RAB27A: variants seen among roughly 807,000 people sequenced by gnomAD.
RAB27A encodes the protein RAB27A, member RAS oncogene family, also known as ras-related protein Rab-27A.
In RAB27A, 17 loss-of-function variants were observed where a neutral mutation model predicts 20.8. That is an observed-to-expected ratio of 0.82 (90% CI 0.56 to 1.23). The LOEUF (loss-of-function observed/expected upper bound fraction) is 1.23, where lower values mean the gene tolerates loss of function less well. Ranked by LOEUF, RAB27A falls within the 50% of genes most tolerant of loss-of-function variation. RAB27A has a pLI of 0.00. For synonymous variants in RAB27A, 85 were observed against 92.8 expected (o/e 0.92, Z 0.48); for missense variants, 277 against 266.7 (o/e 1.04, Z -0.27).
intron 6 of RAB27A, among the ~76,000 whole-genome samples, chr15:55,208,123 C>T (rs1894741499): frequency 6.6e-6 from 1 of 152,062 alleles, no homozygotes; most frequent in South Asian, 2.1e-4. Flanking sequence ...ACCTAAACGT[C>T]CATCAATAAG....
At chr15:55,305,200 G>C (rs963911782) in intron 2 of RAB27A, among the ~76,000 whole-genome samples, 6 of 152,164 alleles carry the variant, frequency 3.9e-5, no homozygotes, top group African/African-American at 1.4e-4. Flanking sequence ...AGCTAGCCCT[G>C]TCTCTCAGTC....
intron 2 of RAB27A, among the ~76,000 whole-genome samples, chr15:55,258,030 G>A (rs1178018108): frequency 7.1e-6 from 1 of 141,278 alleles, no homozygotes; most frequent in African/African-American, 2.7e-5. Flanking sequence ...TCGCACCACT[G>A]CACTCCAGCC....
At chr15:55,220,891 T>G (rs928463698) in intron 6 of RAB27A, among the ~76,000 whole-genome samples, 28 of 152,254 alleles carry the variant, frequency 1.8e-4, no homozygotes, top group African/African-American at 6.5e-4. Flanking sequence ...CTACATGGTA[T>G]GCTTTCTGTA....
At chr15:55,257,120 A>G (rs1001402638) in intron 2 of RAB27A, among the ~76,000 whole-genome samples, 1 of 152,256 alleles carries the variant, frequency 6.6e-6, no homozygotes, top group Non-Finnish European at 1.5e-5. Context: ...AATGTTGCCA[A>G]CAGAAGCAGG....
chr15:55,293,397 G>A (rs1008469580), upstream of RAB27A, among the ~76,000 whole-genome samples: 2 of 150,932 alleles, frequency 1.3e-5, no homozygotes, highest in Non-Finnish European at 2.9e-5. Flanking sequence ...ATCTATTAGT[G>A]CTAATAAATG....
At chr15:55,313,740 G>C (rs2055030744) in intron 2 of RAB27A, among the ~76,000 whole-genome samples, 1 of 152,086 alleles carries the variant, frequency 6.6e-6, no homozygotes, top group Non-Finnish European at 1.5e-5. Context: ...TCGGGAAGCC[G>C]AGGCGGGCGG....
At chr15:55,216,566 C>T (rs1244256031) in intron 6 of RAB27A, among the ~76,000 whole-genome samples, 1 of 151,798 alleles carries the variant, frequency 6.6e-6, no homozygotes, top group Non-Finnish European at 1.5e-5. Flanking sequence ...ATACATCATC[C>T]CAAAAAAGCA....
chr15:55,255,940 G>A (rs1415199485), intron 2 of RAB27A, among the ~76,000 whole-genome samples: 1 of 152,178 alleles, frequency 6.6e-6, no homozygotes, highest in African/African-American at 2.4e-5. Flanking sequence ...CTAGCTATGT[G>A]TCCTGTGGTG....
chr15:55,277,342 G>A (rs984323560), intron 1 of RAB27A, among the ~76,000 whole-genome samples: 1 of 152,202 alleles, frequency 6.6e-6, no homozygotes, highest in Admixed American at 6.5e-5. Context: ...CAACGTCCAC[G>A]TATAACTTTG....
Position 55,314,194 on chromosome 15 carries a change from G to T in RAB27A, c.-233-34C>A, listed in dbSNP as rs1290753642. ...AAAAAAAAAAAAAATTACCTATGCT[G>T]GTCTCCACCTAACATAGCTGAGATT... On this transcript the variant is annotated intron_variant, in intron 1 of 5. Coordinates refer to the RAB27A transcript ENST00000563262. The T allele has an allele frequency of 1.3e-5, 2 of 149,932 alleles. 1 individual carries two copies. The highest frequency in any genetic ancestry group is 4.9e-5 in the African/African-American group (2 of 40,904). 9.3% of individuals were successfully genotyped at this position (149,932 alleles called of 1,614,324 possible). A position where few individuals can be genotyped will look rare whatever the true frequency, so the allele number is the denominator to read the frequency against.
At chr15:55,263,400 A>G (rs921809866) in intron 2 of RAB27A, among the ~76,000 whole-genome samples, 3 of 152,150 alleles carry the variant, frequency 2.0e-5, no homozygotes, top group African/African-American at 4.8e-5. Context: ...GTTACTTGAG[A>G]TGCAGTCACT....
At chr15:55,282,912 CAATA>C (rs1266983060) in intron 1 of RAB27A, among the ~76,000 whole-genome samples, 9 of 120,310 alleles carry the variant, frequency 7.5e-5, no homozygotes, top group African/African-American at 3.8e-4. Flanking sequence ...CGTGTGGAGA[CAATA>C]AATAAATAAA....
chr15:55,280,219 G>GTT (rs932897542), intron 1 of RAB27A, among the ~76,000 whole-genome samples: 1 of 152,090 alleles, frequency 6.6e-6, no homozygotes, highest in African/African-American at 2.4e-5. Context: ...TTACTATGTT[G>GTT]TTTGAACAAT....
At chr15:55,216,403 C>T (rs1357436918) in intron 6 of RAB27A, among the ~76,000 whole-genome samples, 4 of 151,808 alleles carry the variant, frequency 2.6e-5, no homozygotes, top group African/African-American at 9.7e-5. Flanking sequence ...CATGGTGGCA[C>T]GTGCCTGTAG....
At chr15:55,258,258 T>C (rs1035760677) in intron 2 of RAB27A, among the ~76,000 whole-genome samples, 3 of 152,164 alleles carry the variant, frequency 2.0e-5, no homozygotes, top group Non-Finnish European at 4.4e-5. Flanking sequence ...AAGAATTCAC[T>C]ACCTATACCA....
chr15:55,232,044 T>C (rs1168564551), intron 3 of RAB27A, among the ~76,000 whole-genome samples: 1 of 152,190 alleles, frequency 6.6e-6, no homozygotes, highest in African/African-American at 2.4e-5. Flanking sequence ...AAGGTCCTAA[T>C]CTCTCACTTC....
chr15:55,210,077 CATATATACACATATATGTGTGT>C (rs1326130540), intron 6 of RAB27A, among the ~76,000 whole-genome samples: 5 of 83,204 alleles, frequency 6.0e-5, no homozygotes, highest in South Asian at 3.4e-4. Flanking sequence ...TGTACATATA[CATATATACACATATATGTGTGT>C]ATATATACAC....
chr15:55,258,834 T>C (rs1170284153), intron 2 of RAB27A, among the ~76,000 whole-genome samples: 1 of 152,234 alleles, frequency 6.6e-6, no homozygotes, highest in East Asian at 1.9e-4. Context: ...TATTGGGTTC[T>C]TTTTCTTTAA....
At chr15:55,264,494 C>T (rs1414391202) in intron 2 of RAB27A, among the ~76,000 whole-genome samples, 1 of 152,148 alleles carries the variant, frequency 6.6e-6, no homozygotes, top group Non-Finnish European at 1.5e-5. Flanking sequence ...ATAAACTTGG[C>T]TCAAATGACA....
Sources: gnomAD v4.1 joint callset for allele counts (sites outside exome capture counted in the v4.1 genomes callset) on GRCh38, gnomAD v4.1.1 for gene constraint, MANE v1.5 for transcripts, NCBI Gene and HGNC (gene_info 2026-07-23, HGNC 2026-07-21) for gene names.